Variants in NUDCD3 observed in about 807,000 individuals in gnomAD.
The protein encoded by NUDCD3 is NudC domain containing 3, also known as nudC domain-containing protein 3.
A neutral mutation model predicts 39.7 loss-of-function variants in NUDCD3; 13 were observed. The ratio of observed to expected loss-of-function variants is 0.33; its 90% CI spans 0.21 to 0.52. NUDCD3 has a LOEUF of 0.52. NUDCD3 is among the 20% of genes least tolerant of loss of function. The pLI, the probability that NUDCD3 is intolerant of heterozygous loss-of-function variation, is 0.96. For missense variants in NUDCD3, 453 were observed against 458.1 expected, an observed-to-expected ratio of 0.99 and a Z score of 0.10; for synonymous variants, 175 against 172.4, an observed-to-expected ratio of 1.02 and a Z score of -0.12.
At chr7:44,412,869 G>A (rs546007735) in intron 3 of NUDCD3, among the ~76,000 whole-genome samples, 1 of 148,392 alleles carries the variant, frequency 6.7e-6, no homozygotes, top group East Asian at 2.0e-4. Context: ...GGAGCTTGCA[G>A]TGAGCTGAGA....
At chr7:44,466,900 C>A (rs2116957680) in intron 2 of NUDCD3, among the ~76,000 whole-genome samples, 1 of 152,294 alleles carries the variant, frequency 6.6e-6, no homozygotes, top group African/African-American at 2.4e-5. Context: ...GAACGTGTGA[C>A]CCACTCAGAC....
chr7:44,431,140 G>C (rs1275610090), intron 2 of NUDCD3, among the ~76,000 whole-genome samples: 1 of 152,138 alleles, frequency 6.6e-6, no homozygotes, highest in African/African-American at 2.4e-5. Flanking sequence ...ATCCTGTCAA[G>C]TGCAGGTGTC....
intron 1 of NUDCD3, among the ~76,000 whole-genome samples, chr7:44,488,338 G>GAA (rs368893785): frequency 1.0e-4 from 11 of 108,252 alleles, no homozygotes; most frequent in African/African-American, 2.4e-4. Flanking sequence ...CCATCTCCAG[G>GAA]AAAAAAAAAA....
At chr7:44,412,788 G>A (rs972653104) in intron 3 of NUDCD3, among the ~76,000 whole-genome samples, 5 of 151,964 alleles carry the variant, frequency 3.3e-5, no homozygotes, top group South Asian at 2.1e-4. Flanking sequence ...TTAGTTGGGC[G>A]TAGTGGCAGG....
chr7:44,459,439 C>T (rs1029884960), intron 2 of NUDCD3, among the ~76,000 whole-genome samples: 1 of 152,102 alleles, frequency 6.6e-6, no homozygotes, highest in Non-Finnish European at 1.5e-5. Context: ...CCTTCTGCCT[C>T]GGCCTCTTGA....
chr7:44,397,901 T>C (rs1451510030), intron 4 of NUDCD3, among the ~76,000 whole-genome samples: 1 of 152,146 alleles, frequency 6.6e-6, no homozygotes, highest in Non-Finnish European at 1.5e-5. Flanking sequence ...CCTGTCCTCT[T>C]TAATCTAGGA....
At chr7:44,404,363 G>A in intron 4 of NUDCD3, 77 bp downstream of exon 4, 1 of 1,452,890 alleles carries the variant, frequency 6.9e-7, no homozygotes, top group South Asian at 1.2e-5. Flanking sequence ...AGTGTAAATA[G>A]GCTTGTTGGT....
intron 2 of NUDCD3, among the ~76,000 whole-genome samples, chr7:44,483,745 C>T (rs1800542929): frequency 6.6e-6 from 1 of 151,912 alleles, no homozygotes; most frequent in Non-Finnish European, 1.5e-5. Flanking sequence ...CACTTTGCTT[C>T]ATTAACTAGA....
Position 44,420,823 on chromosome 7 carries a change from C to A in NUDCD3, c.642+6748G>T, listed in dbSNP as rs148599603. On this transcript the variant is annotated intron_variant, in intron 3 of 5. Transcript: ENST00000355451. ...CTAAGAGATTCTGTCACCACCAGGC[C>A]TGCCTTACAAGAGCTCCTGAAGGAG... Among the ~76,000 whole-genome samples, 523 of 152,326 alleles carry A rather than the reference C, an allele frequency of 3.4e-3. 1 individual carries two copies. Among genetic ancestry groups the A allele is most frequent in the Non-Finnish European group, 6.4e-3 (435 of 68,026 alleles).
chr7:44,461,976 T>C (rs1312417869), intron 2 of NUDCD3, among the ~76,000 whole-genome samples: 1 of 152,074 alleles, frequency 6.6e-6, no homozygotes, highest in East Asian at 1.9e-4. Context: ...CCGTGGTAAA[T>C]AAAATCAGGG....
intron 2 of NUDCD3, among the ~76,000 whole-genome samples, chr7:44,433,804 C>T (rs1029397756): frequency 1.3e-5 from 2 of 152,310 alleles, no homozygotes; most frequent in African/African-American, 2.4e-5. Flanking sequence ...TTCTCAACAA[C>T]CTCATATGGC....
At chr7:44,416,508 TAAAA>T (rs1362861906) in intron 3 of NUDCD3, among the ~76,000 whole-genome samples, 2 of 148,334 alleles carry the variant, frequency 1.3e-5, no homozygotes, top group South Asian at 4.4e-4. Flanking sequence ...AAATAAAAAA[TAAAA>T]AAAATAAGAG....
chr7:44,461,257 G>A (rs527966718), intron 2 of NUDCD3, among the ~76,000 whole-genome samples: 1 of 152,274 alleles, frequency 6.6e-6, no homozygotes, highest in African/African-American at 2.4e-5. Context: ...CCCTTCCTCT[G>A]CATTCATCAC....
chr7:44,406,801 AGAT>A (rs1167365760), intron 3 of NUDCD3, among the ~76,000 whole-genome samples: 1 of 152,228 alleles, frequency 6.6e-6, no homozygotes, highest in Non-Finnish European at 1.5e-5. Flanking sequence ...GGCCAGGAAC[AGAT>A]GAGATGTCAA....
chr7:44,447,623 G>A (rs1799712672), intron 2 of NUDCD3, among the ~76,000 whole-genome samples: 1 of 152,182 alleles, frequency 6.6e-6, no homozygotes, highest in South Asian at 2.1e-4. Flanking sequence ...AACTGAACCT[G>A]CCAGAGCCTT....
chr7:44,440,496 G>GAAAGAAAAA (rs1799558300), intron 2 of NUDCD3, among the ~76,000 whole-genome samples: 1 of 48,386 alleles, frequency 2.1e-5, no homozygotes, highest in Non-Finnish European at 4.0e-5. Context: ...CAGAAAAATT[G>GAAAGAAAAA]AAAAAAAAAA....
At chr7:44,455,453 A>C (rs1203643403) in intron 2 of NUDCD3, among the ~76,000 whole-genome samples, 1 of 152,032 alleles carries the variant, frequency 6.6e-6, no homozygotes, top group Non-Finnish European at 1.5e-5. Flanking sequence ...CCTCCCAGCC[A>C]GTCTGGCCCA....
intron 2 of NUDCD3, among the ~76,000 whole-genome samples, chr7:44,437,224 C>G (rs926782513): frequency 2.0e-5 from 3 of 151,804 alleles, no homozygotes; most frequent in African/African-American, 7.3e-5. Context: ...TGTGTGCCAC[C>G]ACACCTGGCT....
chr7:44,422,780 C>T (rs1363163078), intron 3 of NUDCD3, among the ~76,000 whole-genome samples: 1 of 152,170 alleles, frequency 6.6e-6, no homozygotes, highest in Non-Finnish European at 1.5e-5. Context: ...TCCCTACCTC[C>T]CTAACTCATT....
Sources: gnomAD v4.1 joint callset for allele counts (sites outside exome capture counted in the v4.1 genomes callset) on GRCh38, gnomAD v4.1.1 for gene constraint, MANE v1.5 for transcripts, NCBI Gene and HGNC (gene_info 2026-07-23, HGNC 2026-07-21) for gene names.